The following SEPTIN9 variants were observed in gnomAD, a reference collection of about 807,000 sequenced individuals.
SEPTIN9 encodes septin-9.
A neutral mutation model predicts 56.6 loss-of-function variants in SEPTIN9; 13 were observed. That is an observed-to-expected ratio of 0.23 (90% confidence interval 0.15 to 0.37). The LOEUF is 0.37. SEPTIN9 is among the 10% of genes least tolerant of loss of function. The pLI is 1.00. For synonymous variants in SEPTIN9, 332 were observed against 334.1 expected (o/e 0.99, Z 0.07); for missense variants, 650 against 823.1 (o/e 0.79, Z 2.57).
chr17:77,335,596 A>C (rs1359174999), intron 2 of SEPTIN9, among the ~76,000 whole-genome samples: 1 of 150,424 alleles, frequency 6.6e-6, no homozygotes, highest in East Asian at 2.0e-4. Flanking sequence ...ATATGTACAT[A>C]TATACATGTA....
intron 3 of SEPTIN9, among the ~76,000 whole-genome samples, chr17:77,462,366 G>T (rs888337994): frequency 1.3e-5 from 2 of 151,816 alleles, no homozygotes; most frequent in African/African-American, 4.8e-5. Flanking sequence ...TGCCGGCCCC[G>T]GGAGCTGCTC....
At chr17:77,292,049 A>G (rs921608393) in intron 1 of SEPTIN9, among the ~76,000 whole-genome samples, 2 of 152,170 alleles carry the variant, frequency 1.3e-5, no homozygotes, top group Admixed American at 1.3e-4. Flanking sequence ...TCACCACGGC[A>G]GTCATGCCGA....
intron 3 of SEPTIN9, among the ~76,000 whole-genome samples, chr17:77,464,342 C>T (rs546019850): frequency 2.6e-5 from 4 of 152,268 alleles, no homozygotes; most frequent in East Asian, 3.9e-4. Flanking sequence ...CTTCCCAAAG[C>T]GCTGGGATTA....
At chr17:77,428,513 C>T (rs1049954080) in intron 3 of SEPTIN9, among the ~76,000 whole-genome samples, 6 of 152,222 alleles carry the variant, frequency 3.9e-5, no homozygotes, top group Non-Finnish European at 7.3e-5. Flanking sequence ...GTACCACATT[C>T]GAAATTGAAG....
chr17:77,407,968 G>GC (rs960084068), intron 3 of SEPTIN9, among the ~76,000 whole-genome samples: 30 of 151,890 alleles, frequency 2.0e-4, no homozygotes, highest in Middle Eastern at 3.4e-3. Context: ...CTGGCTCAGA[G>GC]CCCCCCCCAC....
chr17:77,403,353 G>C (rs1011423689), intron 3 of SEPTIN9, among the ~76,000 whole-genome samples: 3 of 152,266 alleles, frequency 2.0e-5, no homozygotes, highest in African/African-American at 7.2e-5. Flanking sequence ...GCCTGGACCA[G>C]GGGGCTGTGT....
At chr17:77,365,530 G>A (rs1044247507) in intron 2 of SEPTIN9, among the ~76,000 whole-genome samples, 2 of 152,098 alleles carry the variant, frequency 1.3e-5, no homozygotes, top group African/African-American at 4.8e-5. Flanking sequence ...CCTGTAACTG[G>A]AGGTGTTCAA....
At chr17:77,345,422 C>T (rs529481035) in intron 2 of SEPTIN9, among the ~76,000 whole-genome samples, 3 of 152,360 alleles carry the variant, frequency 2.0e-5, no homozygotes, top group African/African-American at 4.8e-5. Flanking sequence ...CACCTTGCCA[C>T]GTCTTACGTT....
chr17:77,331,875 G>A (rs2033378297), intron 2 of SEPTIN9, among the ~76,000 whole-genome samples: 1 of 152,160 alleles, frequency 6.6e-6, no homozygotes, highest in South Asian at 2.1e-4. Flanking sequence ...GAAAGGGGGT[G>A]GTCTCCTGCC....
At position 77,330,456 on chromosome 17, in the gene SEPTIN9, T is replaced by C. The variant is rs763959827; in HGVS notation, c.76+23259T>C. On this transcript the variant is annotated intron_variant, in intron 2 of 11. Coordinates refer to ENST00000427177, the MANE Select transcript of SEPTIN9 (RefSeq NM_001113491.2). This position sits in a 1 kb window ranked among gnomAD's most constrained non-coding sequence, Gnocchi z 4.4. ...CCATAATCTCACCAGCTCCTGAGTT[T>C]TGGCGCTGCTCTTGGCGATGGCGTG... Among the ~76,000 whole-genome samples the C allele has an allele frequency of 6.6e-6, 1 of 152,200 alleles. No individual in the cohort carries two copies. Among genetic ancestry groups the C allele is most frequent in the Non-Finnish European group, 1.5e-5 (1 of 68,034 alleles).
At chr17:77,368,236 T>A (rs2034626729) in intron 2 of SEPTIN9, among the ~76,000 whole-genome samples, 1 of 152,222 alleles carries the variant, frequency 6.6e-6, no homozygotes, top group South Asian at 2.1e-4. Context: ...ATGGTGTTGA[T>A]GGGTGTACAA....
chr17:77,359,722 G>A (rs1468884200), intron 2 of SEPTIN9, among the ~76,000 whole-genome samples: 3 of 152,162 alleles, frequency 2.0e-5, no homozygotes, highest in African/African-American at 7.2e-5. Flanking sequence ...CTTGGGCCTA[G>A]GAGTTCGAGG....
chr17:77,319,989 C>T lies in SEPTIN9; in HGVS notation c.76+12792C>T, dbSNP rs971377343. 52 of 1,236,536 alleles carry T rather than the reference C, an allele frequency of 4.2e-5. No individual in the cohort carries two copies. Among genetic ancestry groups the T allele is most frequent in the East Asian group, 7.3e-5 (2 of 27,572 alleles). 76.6% of individuals were successfully genotyped at this position (1,236,536 alleles called of 1,614,324 possible). On this transcript the variant is annotated intron_variant, in intron 2 of 11. Coordinates refer to ENST00000427177, the MANE Select transcript of SEPTIN9 (RefSeq NM_001113491.2). This position sits in a 1 kb window ranked among gnomAD's most constrained non-coding sequence, Gnocchi z 5.3. ...ACTCTGGGACTCTCGCAGGCAGACCCGGTGGTCTGCCGGACTCCTCGGGGC... is the reference window on the plus strand; with the variant it reads ...ACTCTGGGACTCTCGCAGGCAGACCTGGTGGTCTGCCGGACTCCTCGGGGC...
chr17:77,331,325 G>A (rs2033343233), intron 2 of SEPTIN9, among the ~76,000 whole-genome samples: 1 of 152,182 alleles, frequency 6.6e-6, no homozygotes, highest in Admixed American at 6.5e-5. Flanking sequence ...AAGAGGCTGG[G>A]GTGATGGGCA....
Position 77,436,165 on chromosome 17 carries a change from G to T in SEPTIN9, c.721+33462G>T, listed in dbSNP as rs769026529. On this transcript the variant is annotated intron_variant, in intron 3 of 11. Transcript: ENST00000427177. This position sits in a 1 kb window ranked among gnomAD's most constrained non-coding sequence, Gnocchi z 4.4. The stretch of plus-strand genomic sequence containing the variant: ...GTGAGGATGCCTGCTGGAAGCCAAC[G>T]TGCACGAAAGAGTTAATGGTGGATC... Among the ~76,000 whole-genome samples, 1 of 152,186 alleles carries T rather than the reference G, an allele frequency of 6.6e-6. No homozygotes were observed. The highest frequency in any genetic ancestry group is 2.4e-5 in the African/African-American group (1 of 41,432).
chr17:77,480,557 T>A (rs375382873), intron 3 of SEPTIN9, among the ~76,000 whole-genome samples: 2 of 151,990 alleles, frequency 1.3e-5, no homozygotes, highest in Admixed American at 6.5e-5. Flanking sequence ...GAGTGAGGAG[T>A]GGGCGTGGGC....
chr17:77,395,871 T>C (rs1244795862), intron 2 of SEPTIN9, among the ~76,000 whole-genome samples: 1 of 152,244 alleles, frequency 6.6e-6, no homozygotes, highest in East Asian at 1.9e-4. Context: ...CCCGGACTGT[T>C]TCCAGGTTTT....
chr17:77,307,433 G>C lies in SEPTIN9; in HGVS notation c.76+236G>C, dbSNP rs115382822. 4.0e-3 allele frequency among the ~76,000 whole-genome samples: 613 copies of C among 152,330 alleles called. 10 individuals are homozygous for C. The highest frequency in any genetic ancestry group is 0.014 in the African/African-American group (583 of 41,566). ...GTGGGGGCAGGGGCAGCCACCCCCA[G>C]GCTCAGGGAGCAAGCCCGTGTGTGC... On this transcript the variant is annotated intron_variant, in intron 2 of 11. Transcript: ENST00000427177.
rs71160225 is a variant in SEPTIN9, at chr17:77,324,819, A to ATTTTTTT, written c.76+17633_76+17639dup. ...CGTTGTTAGTGCCCTTTGATATGCAATTTTTTTTTTTTTTTTTGAGATGGA... is the reference window on the plus strand; with the variant it reads ...CGTTGTTAGTGCCCTTTGATATGCAATTTTTTTTTTTTTTTTTTTTTTTTGAGATGGA... On this transcript the variant is annotated intron_variant, in intron 2 of 11. Transcript: ENST00000427177. Among the ~76,000 whole-genome samples, 62 of 130,310 alleles carry ATTTTTTT rather than the reference A, an allele frequency of 4.8e-4. 1 individual carries two copies. Among genetic ancestry groups the ATTTTTTT allele is most frequent in the Middle Eastern group, 3.9e-3 (1 of 256 alleles). The allele number at this position is 130,310 out of a possible 152,430, so 85.5% of individuals were successfully genotyped here. A position where few individuals can be genotyped will look rare whatever the true frequency, so the allele number is the denominator to read the frequency against.
Sources: allele counts gnomAD v4.1 joint callset (sites outside exome capture counted in the v4.1 genomes callset), GRCh38; gene constraint gnomAD v4.1.1; non-coding constraint Gnocchi (gnomAD v3.1); transcripts MANE v1.5; gene names NCBI Gene and HGNC (gene_info 2026-07-23, HGNC 2026-07-21).